MAMDC2: variants seen among roughly 807,000 people sequenced by gnomAD.
MAMDC2 encodes the protein MAM domain-containing protein 2.
Under a neutral mutation model 89.8 loss-of-function variants are expected in MAMDC2, and 57 were observed. The ratio of observed to expected loss-of-function variants is 0.63; its 90% CI spans 0.51 to 0.79. The LOEUF is 0.79. MAMDC2 is among the 30% of genes least tolerant of loss of function. MAMDC2 has a pLI of 0.00. For synonymous variants in MAMDC2, 313 were observed against 293.4 expected (o/e 1.07, Z -0.68); for missense variants, 800 against 820.6 (o/e 0.97, Z 0.31).
intron 2 of MAMDC2, among the ~76,000 whole-genome samples, chr9:70,057,252 C>T (rs1827043643): frequency 6.6e-6 from 1 of 152,112 alleles, no homozygotes; most frequent in Admixed American, 6.6e-5. Context: ...GGTTTTTACA[C>T]CATCCCCTAT....
intron 11 of MAMDC2, among the ~76,000 whole-genome samples, chr9:70,215,126 A>G (rs975857842): frequency 6.6e-6 from 1 of 152,184 alleles, no homozygotes; most frequent in East Asian, 1.9e-4. Flanking sequence ...CAGGAAAGAG[A>G]GAGTGGAATT....
intron 11 of MAMDC2, among the ~76,000 whole-genome samples, chr9:70,191,901 T>C (rs1158813632): frequency 6.6e-6 from 1 of 152,170 alleles, no homozygotes; most frequent in Non-Finnish European, 1.5e-5. Context: ...ACAAATGCCT[T>C]AGAAGATTGC....
intron 9 of MAMDC2, chr9:70,153,641 G>A (rs1472069852): frequency 1.3e-5 from 2 of 151,998 alleles, no homozygotes; most frequent in Admixed American, 1.3e-4. Context: ...CATTTCACTG[G>A]GATCAGGCTT....
intron 2 of MAMDC2, among the ~76,000 whole-genome samples, chr9:70,095,060 G>C (rs143006822): frequency 1.7e-3 from 254 of 152,312 alleles, no homozygotes; most frequent in Non-Finnish European, 3.4e-4. Context: ...ATATGAAAGA[G>C]AGTATCCCAG....
intron 2 of MAMDC2, among the ~76,000 whole-genome samples, chr9:70,098,036 T>C (rs1034124019): frequency 2.0e-5 from 3 of 152,214 alleles, no homozygotes; most frequent in African/African-American, 7.2e-5. Context: ...GATGGACTTG[T>C]TTATGTTACA....
At chr9:70,216,956 A>G (rs1248654775) in intron 11 of MAMDC2, among the ~76,000 whole-genome samples, 1 of 152,170 alleles carries the variant, frequency 6.6e-6, no homozygotes, top group Non-Finnish European at 1.5e-5. Context: ...CCAGCTACCA[A>G]TGTGAAATCA....
intron 9 of MAMDC2, chr9:70,153,457 C>A (rs1391817360): frequency 6.6e-6 from 1 of 152,234 alleles, no homozygotes; most frequent in African/African-American, 2.4e-5. Context: ...TGGTAGCATA[C>A]ATATTAGATC....
intron 11 of MAMDC2, among the ~76,000 whole-genome samples, chr9:70,216,967 C>T (rs1479681898): frequency 2.0e-5 from 3 of 152,160 alleles, no homozygotes; most frequent in Non-Finnish European, 4.4e-5. Flanking sequence ...TGTGAAATCA[C>T]CTGGAGCTCG....
intron 11 of MAMDC2, among the ~76,000 whole-genome samples, chr9:70,210,442 C>G (rs891833793): frequency 6.6e-6 from 1 of 152,184 alleles, no homozygotes. Flanking sequence ...TTATCGAAGA[C>G]TAGGATTGCA....
At chr9:70,203,481 C>G (rs985469490) in intron 11 of MAMDC2, among the ~76,000 whole-genome samples, 1 of 140,184 alleles carries the variant, frequency 7.1e-6, no homozygotes, top group African/African-American at 2.6e-5. Flanking sequence ...CTCTGGCTGC[C>G]CTTAACATTT....
chr9:70,122,280 A>T (rs1459401773), intron 5 of MAMDC2, among the ~76,000 whole-genome samples: 2 of 152,288 alleles, frequency 1.3e-5, no homozygotes, highest in Non-Finnish European at 1.5e-5. Flanking sequence ...TGTTTTCTGG[A>T]TGCTTTTTGG....
chr9:70,199,008 A>C (rs933182733), intron 11 of MAMDC2, among the ~76,000 whole-genome samples: 1 of 151,996 alleles, frequency 6.6e-6, no homozygotes, highest in Admixed American at 6.6e-5. Context: ...CCAGATTATT[A>C]AAGTCTCCTA....
intron 11 of MAMDC2, among the ~76,000 whole-genome samples, chr9:70,180,124 T>C (rs1392559535): frequency 1.3e-5 from 2 of 152,108 alleles, no homozygotes; most frequent in Non-Finnish European, 2.9e-5. Context: ...TTTGGTTTTC[T>C]GTTCCTGTGT....
At chr9:70,120,195 C>T (rs1373854022) in intron 5 of MAMDC2, among the ~76,000 whole-genome samples, 1 of 152,196 alleles carries the variant, frequency 6.6e-6, no homozygotes, top group East Asian at 1.9e-4. Flanking sequence ...CCCTACGGGT[C>T]CCTATAGTCA....
chr9:70,110,589 G>A (rs1828483290), intron 4 of MAMDC2, among the ~76,000 whole-genome samples: 2 of 152,168 alleles, frequency 1.3e-5, no homozygotes. Context: ...GCTGAGTAGG[G>A]TGTTTGAAGT....
intron 2 of MAMDC2, among the ~76,000 whole-genome samples, chr9:70,102,378 C>A (rs1049160191): frequency 6.6e-6 from 1 of 152,142 alleles, no homozygotes; most frequent in Non-Finnish European, 1.5e-5. Flanking sequence ...AACAGAATTC[C>A]ATGGGTGCCA....
intron 11 of MAMDC2, among the ~76,000 whole-genome samples, chr9:70,205,638 G>C (rs776195554): frequency 6.6e-6 from 1 of 152,130 alleles, no homozygotes; most frequent in African/African-American, 2.4e-5. Context: ...AAAGAACAGA[G>C]GGGACCCTGA....
intron 2 of MAMDC2, among the ~76,000 whole-genome samples, chr9:70,057,482 CT>C (rs1827048784): frequency 6.6e-6 from 1 of 152,178 alleles, no homozygotes; most frequent in African/African-American, 2.4e-5. Context: ...ACAATAAAAA[CT>C]GCTAGAAGAT....
intron 11 of MAMDC2, chr9:70,217,266 C>A: frequency 1.9e-6 from 2 of 1,075,142 alleles, no homozygotes; most frequent in Non-Finnish European, 2.9e-6. Context: ...ACGCCAGGAC[C>A]GACGGGAAGG....
Sources: gnomAD v4.1 joint callset for allele counts (sites outside exome capture counted in the v4.1 genomes callset) on GRCh38, gnomAD v4.1.1 for gene constraint, MANE v1.5 for transcripts, NCBI Gene and HGNC (gene_info 2026-07-23, HGNC 2026-07-21) for gene names.